Variants in NUDC observed in about 807,000 individuals in gnomAD.
NUDC encodes the protein nuclear distribution C, dynein complex regulator.
In NUDC, 14 loss-of-function variants were observed where a neutral mutation model predicts 45.0. The ratio of observed to expected loss-of-function variants is 0.31; its 90% CI spans 0.21 to 0.49. NUDC has a LOEUF of 0.49. Ranked by LOEUF, NUDC falls within the 20% of genes least tolerant of loss-of-function variation. The probability of loss-of-function intolerance (pLI) is 0.99; values close to 1 mark genes in which losing one functional copy is unlikely to be tolerated. For missense variants in NUDC, 323 were observed against 426.2 expected, an observed-to-expected ratio of 0.76 and a Z score of 2.13; for synonymous variants, 153 against 156.7, an observed-to-expected ratio of 0.98 and a Z score of 0.17.
intron 1 of NUDC, among the ~76,000 whole-genome samples, chr1:26,901,824 A>G (rs968324569): frequency 2.0e-5 from 3 of 152,186 alleles, no homozygotes; most frequent in African/African-American, 7.2e-5. Context: ...AGAGACCTCA[A>G]ACAAAAGCAA....
Position 26,942,672 on chromosome 1 carries a change from G to A in NUDC, c.442G>A (p.Asp148Asn). The A allele has an allele frequency of 6.2e-7, 1 of 1,614,018 alleles. No homozygotes were observed. Among genetic ancestry groups the A allele is most frequent in the Non-Finnish European group, 8.5e-7 (1 of 1,179,942 alleles). ...DSPGKQDTEEDEEEDEKDKGK... is the reference protein window; with the variant it reads ...DSPGKQDTEENEEEDEKDKGK... ...TGATTGTAAGCAGGATACTGAGGAA[G>A]ATGAGGAGGAAGATGAGAAGGACAA... The change falls in exon 5 of 9, where the codon GAT becomes AAT. Residue 148 changes from aspartate to asparagine, a missense_variant. Coordinates refer to ENST00000321265, the MANE Select transcript of NUDC (RefSeq NM_006600.4).
At chr1:26,911,708 G>T (rs1360135052) in intron 3 of NUDC, 7 of 975,738 alleles carry the variant, frequency 7.2e-6, no homozygotes, top group Non-Finnish European at 1.1e-5. Context: ...GCTGAGTGAA[G>T]AGCTGTTCCT....
At position 26,904,454 on chromosome 1, in the gene NUDC, CTCAG is replaced by C; in HGVS notation, c.-16+2091_-16+2094del. Among the ~76,000 whole-genome samples, 3 of 152,272 alleles carry C rather than the reference CTCAG, an allele frequency of 2.0e-5. No homozygotes were observed. In the South Asian group the frequency reaches 6.2e-4, roughly 32 times the overall value. On this transcript the variant is annotated intron_variant, in intron 2 of 6. Coordinates refer to the NUDC transcript ENST00000435827. ...CACACATATTTTTTAGCGATAGTGT[CTCAG>C]TCTGTCGCCTAGGCTAGAGTCCATT... is the stretch of plus-strand genomic sequence containing the variant.
intron 6 of NUDC, among the ~76,000 whole-genome samples, chr1:26,944,069 A>AT (rs1293257645): frequency 6.8e-6 from 1 of 147,662 alleles, no homozygotes; most frequent in African/African-American, 2.5e-5. Flanking sequence ...TTTGTTTTCT[A>AT]TTTTTTAGTA....
At chr1:26,920,309 G>A (rs1424683993), upstream of NUDC, among the ~76,000 whole-genome samples, 1 of 151,974 alleles carries the variant, frequency 6.6e-6, no homozygotes, top group Admixed American at 6.6e-5. Context: ...GGCCAACATG[G>A]TGAAAACCCC....
chr1:26,908,361 C>T (rs1455798651), intron 2 of NUDC, among the ~76,000 whole-genome samples: 5 of 152,106 alleles, frequency 3.3e-5, no homozygotes, highest in Admixed American at 2.6e-4. Context: ...GGAGAAAGCA[C>T]GATTCCCCTT....
chr1:26,936,191 T>A (rs2082232637), intron 2 of NUDC, among the ~76,000 whole-genome samples: 4 of 59,196 alleles, frequency 6.8e-5, no homozygotes, highest in African/African-American at 2.6e-4. Flanking sequence ...TTTTTTTTTT[T>A]TTTTTTTTTT....
chr1:26,907,434 A>C (rs993286594), intron 2 of NUDC, among the ~76,000 whole-genome samples: 1 of 152,006 alleles, frequency 6.6e-6, no homozygotes, highest in Non-Finnish European at 1.5e-5. Flanking sequence ...TGTGCCCCCT[A>C]CCCCAGCATC....
intron 1 of NUDC, among the ~76,000 whole-genome samples, 194 bp from the exon 2 acceptor site, chr1:26,923,895 A>G (rs189111026): frequency 5.3e-5 from 8 of 152,332 alleles, no homozygotes; most frequent in Non-Finnish European, 8.8e-5. Context: ...ACACACACAC[A>G]GGATATGAGA....
intron 2 of NUDC, among the ~76,000 whole-genome samples, chr1:26,930,845 G>A (rs774016091): frequency 5.9e-5 from 9 of 151,524 alleles, no homozygotes; most frequent in East Asian, 2.0e-4. Flanking sequence ...GTGAAACCTC[G>A]TCTCTACTAA....
chr1:26,925,538 C>CA (rs71010305), intron 2 of NUDC, among the ~76,000 whole-genome samples: 1,665 of 42,430 alleles, frequency 0.039, 76 homozygotes, highest in African/African-American at 0.091. Flanking sequence ...GACTCCGTCT[C>CA]AAAAAAAAAA....
chr1:26,904,031 TA>T (rs1359476157), intron 2 of NUDC, among the ~76,000 whole-genome samples: 2 of 92,184 alleles, frequency 2.2e-5, no homozygotes, highest in Non-Finnish European at 2.6e-5. Context: ...AATAAATAAA[TA>T]AATTAAATAA....
intron 3 of NUDC, among the ~76,000 whole-genome samples, chr1:26,915,023 G>A (rs28674646): frequency 7.3e-6 from 1 of 136,380 alleles, no homozygotes; most frequent in African/African-American, 2.8e-5. Context: ...ATATTTATAT[G>A]TATATGTGTA....
chr1:26,933,779 A>G (rs900772832), intron 2 of NUDC, among the ~76,000 whole-genome samples: 19 of 152,138 alleles, frequency 1.2e-4, no homozygotes, highest in African/African-American at 4.1e-4. Flanking sequence ...TGACACTACC[A>G]CTAATAGTAC....
chr1:26,942,378 C>T (rs1018758844), intron 4 of NUDC, among the ~76,000 whole-genome samples: 2 of 152,154 alleles, frequency 1.3e-5, no homozygotes, highest in Non-Finnish European at 2.9e-5. Flanking sequence ...ATTACAGGTC[C>T]CATCTGAGGT....
Position 26,945,402 on chromosome 1 carries a change from G to A in NUDC, c.754G>A (p.Glu252Lys). 1 of 1,614,090 alleles carries A rather than the reference G, an allele frequency of 6.2e-7. No homozygotes were observed. Among genetic ancestry groups the A allele is most frequent in the Non-Finnish European group, 8.5e-7 (1 of 1,179,988 alleles). The change falls in exon 7 of 9, where the codon GAG (glutamate) becomes AAG (lysine). Residue 252 changes from glutamate to lysine, a missense_variant. This residue lies in a region of NUDC where 245 missense variants were observed against 278.8 expected (regional missense o/e 0.88). Coordinates refer to ENST00000321265, the MANE Select transcript of NUDC (RefSeq NM_006600.4). ...TVHLEKINKM[E>K]WWSRLVSSDP... ...GTTCTCTTCACAGATCAATAAGATG[G>A]AGTGGTGGAGCCGCTTGGTGTCCAG...
chr1:26,938,975 C>G (rs908185959), intron 2 of NUDC, among the ~76,000 whole-genome samples: 1 of 152,106 alleles, frequency 6.6e-6, no homozygotes, highest in African/African-American at 2.4e-5. Flanking sequence ...ATGAGACATT[C>G]TAGGCAAAGA....
At chr1:26,944,743 A>G (rs942826954) in intron 6 of NUDC, among the ~76,000 whole-genome samples, 2 of 151,932 alleles carry the variant, frequency 1.3e-5, no homozygotes, top group Non-Finnish European at 2.9e-5. Flanking sequence ...TGGAGGTTGC[A>G]GTGAGCTGAC....
At chr1:26,920,332 A>C (rs1167161450), upstream of NUDC, among the ~76,000 whole-genome samples, 1 of 152,042 alleles carries the variant, frequency 6.6e-6, no homozygotes. Context: ...TACTAAAAAT[A>C]CAAAAAAAAA....
Sources: gnomAD v4.1 joint callset for allele counts (sites outside exome capture counted in the v4.1 genomes callset) on GRCh38, gnomAD v4.1.1 for gene constraint, gnomAD v4.1.1 regional missense constraint, MANE v1.5 for transcripts, NCBI Gene and HGNC (gene_info 2026-07-23, HGNC 2026-07-21) for gene names.